The following NEBL variants were observed in gnomAD, a reference collection of about 807,000 sequenced individuals.
NEBL encodes the protein LIM and SH3 protein 2.
A neutral mutation model predicts 140.2 loss-of-function variants in NEBL; 122 were observed. That is an observed-to-expected ratio of 0.87 (90% CI 0.75 to 1.01). The LOEUF (loss-of-function observed/expected upper bound fraction) is 1.01. Among genes scored for constraint, NEBL ranks in the 50% least tolerant of loss-of-function variants. The pLI is 0.00. For synonymous variants in NEBL, 436 were observed against 398.9 expected, an observed-to-expected ratio of 1.09 and a Z score of -1.11; for missense variants, 1,365 against 1,231.3, an observed-to-expected ratio of 1.11 and a Z score of -1.62.
At chr10:20,809,765 C>G in intron 25 of NEBL, 41 bp downstream of exon 25, 1 of 1,446,486 alleles carries the variant, frequency 6.9e-7, no homozygotes, top group Non-Finnish European at 9.7e-7. Flanking sequence ...ACTTTTGGGA[C>G]AAAACCACAT....
intron 11 of NEBL, 92 bp downstream of exon 11, chr10:20,850,303 T>C: frequency 9.5e-7 from 1 of 1,051,584 alleles, no homozygotes; most frequent in Non-Finnish European, 1.5e-6. Flanking sequence ...AGCAGCACTC[T>C]TCCTTCCAGA....
chr10:21,063,647 A>C (rs1835397650), intron 2 of NEBL, among the ~76,000 whole-genome samples: 1 of 152,188 alleles, frequency 6.6e-6, no homozygotes, highest in South Asian at 2.1e-4. Flanking sequence ...TAATCCTAGC[A>C]CTTTGGGAGG....
chr10:21,142,234 T>A (rs1839664163), intron 2 of NEBL, among the ~76,000 whole-genome samples: 1 of 152,112 alleles, frequency 6.6e-6, no homozygotes, highest in Non-Finnish European at 1.5e-5. Context: ...CATGACCACA[T>A]GGACCAACCA....
intron 9 of NEBL, among the ~76,000 whole-genome samples, chr10:20,855,650 T>C (rs1201809524): frequency 6.6e-6 from 1 of 152,126 alleles, no homozygotes; most frequent in Non-Finnish European, 1.5e-5. Flanking sequence ...ACACAAAATA[T>C]ATATTTCTTA....
rs75945401 is a variant in NEBL, at chr10:20,839,320, C to T, written c.1338+1419G>A. On this transcript the variant is annotated intron_variant, in intron 13 of 27. Transcript: ENST00000377122. ...CTCTGCATGTGGATTGGACATGTCA[C>T]GGCAACAGAAGAATTTGCAGAAAAT... 4.0e-3 allele frequency among the ~76,000 whole-genome samples: 603 copies of T among 152,236 alleles called. 2 individuals carry two copies. Among genetic ancestry groups the T allele is most frequent in the Non-Finnish European group, 7.0e-3 (473 of 68,016 alleles).
chr10:21,170,533 G>A (rs1033486175), intron 2 of NEBL: 120 of 152,338 alleles, frequency 7.9e-4, no homozygotes, highest in African/African-American at 2.8e-3. Context: ...CTCTGGAAGG[G>A]AAGCAGGAAA....
intron 3 of NEBL, among the ~76,000 whole-genome samples, chr10:21,199,185 TG>T (rs1841696518): frequency 6.6e-6 from 1 of 151,218 alleles, no homozygotes; most frequent in Non-Finnish European, 1.5e-5. Flanking sequence ...CCACCACACC[TG>T]GCCAAATTTT....
chr10:20,895,972 C>T (rs1010851161), intron 2 of NEBL, among the ~76,000 whole-genome samples: 1 of 152,160 alleles, frequency 6.6e-6, no homozygotes, highest in Non-Finnish European at 1.5e-5. Flanking sequence ...CCATAACCTT[C>T]CCAAGGTTAC....
At chr10:20,974,620 T>C (rs1836716746) in intron 3 of NEBL, among the ~76,000 whole-genome samples, 1 of 152,180 alleles carries the variant, frequency 6.6e-6, no homozygotes, top group African/African-American at 2.4e-5. Flanking sequence ...GTAAACAAGA[T>C]CTGAAATAAT....
intron 1 of NEBL, among the ~76,000 whole-genome samples, chr10:21,280,767 A>G (rs915405210): frequency 6.6e-6 from 1 of 151,732 alleles, no homozygotes; most frequent in Admixed American, 6.6e-5. Flanking sequence ...GGCACACACC[A>G]TCGCGCATGG....
At position 20,794,412 on chromosome 10, in the gene NEBL, T is replaced by C. The variant is rs187798020; in HGVS notation, c.2762-7104A>G. ...CCTGTTTATAGTATATACTATATCCTGCTTACTGCTGACCATACTACAGTA... is the reference window on the plus strand; with the variant it reads ...CCTGTTTATAGTATATACTATATCCCGCTTACTGCTGACCATACTACAGTA... On this transcript the variant is annotated intron_variant, in intron 26 of 27. Coordinates refer to ENST00000377122, the MANE Select transcript of NEBL (RefSeq NM_006393.3). Among the ~76,000 whole-genome samples, 13 of 152,350 alleles carry C rather than the reference T, an allele frequency of 8.5e-5. 1 individual carries two copies. Among genetic ancestry groups the C allele is most frequent in the Admixed American group, 6.5e-4 (10 of 15,304 alleles).
chr10:20,803,347 G>A (rs1025380524), intron 26 of NEBL, among the ~76,000 whole-genome samples: 1 of 151,906 alleles, frequency 6.6e-6, no homozygotes, highest in African/African-American at 2.4e-5. Flanking sequence ...TGTATATATC[G>A]AAACATCCCT....
chr10:20,982,465 T>C (rs145516886), intron 3 of NEBL, among the ~76,000 whole-genome samples: 1 of 152,326 alleles, frequency 6.6e-6, no homozygotes, highest in African/African-American at 2.4e-5. Flanking sequence ...AAGTACACTA[T>C]AATATCACTA....
At chr10:21,290,852 T>G (rs901559096) in intron 1 of NEBL, among the ~76,000 whole-genome samples, 1 of 152,234 alleles carries the variant, frequency 6.6e-6, no homozygotes, top group Non-Finnish European at 1.5e-5. Flanking sequence ...CTCAACCATC[T>G]GATCCTTCCT....
At chr10:20,912,186 A>T (rs1848356397) in intron 4 of NEBL, among the ~76,000 whole-genome samples, 2 of 152,224 alleles carry the variant, frequency 1.3e-5, no homozygotes, top group South Asian at 4.1e-4. Flanking sequence ...ACTATTTTTT[A>T]TATTGCTTCT....
At chr10:20,927,183 G>T (rs1464480020) in intron 4 of NEBL, among the ~76,000 whole-genome samples, 1 of 152,166 alleles carries the variant, frequency 6.6e-6, no homozygotes, top group Non-Finnish European at 1.5e-5. Flanking sequence ...GGGGAATGAA[G>T]AAGAATAAAA....
intron 3 of NEBL, among the ~76,000 whole-genome samples, chr10:21,227,718 TTCTTCTTCTTCTTCTTCTTC>T (rs1842181538): frequency 2.9e-4 from 23 of 79,900 alleles, no homozygotes; most frequent in African/African-American, 1.1e-3. Flanking sequence ...TTCTTTCTTC[TTCTTCTTCTTCTTCTTCTTC>T]TTCTTCTTCT....
chr10:20,859,405 T>C lies in NEBL; in HGVS notation c.798+308A>G, dbSNP rs924484066. On this transcript the variant is annotated intron_variant, in intron 8 of 27. Coordinates refer to ENST00000377122, the MANE Select transcript of NEBL (RefSeq NM_006393.3). ...CCATAATTACATGAGGTAACTACTG[T>C]CCTAACCACTAATTTGTGTTAATAC... Among the ~76,000 whole-genome samples, 10 of 152,090 alleles carry C rather than the reference T, an allele frequency of 6.6e-5. 1 individual carries two copies. Among genetic ancestry groups the C allele is most frequent in the South Asian group, 2.1e-4 (1 of 4,834 alleles).
At chr10:20,899,026 G>C (rs1272426093), upstream of NEBL, among the ~76,000 whole-genome samples, 1 of 152,098 alleles carries the variant, frequency 6.6e-6, no homozygotes, top group Non-Finnish European at 1.5e-5. Context: ...GCTGAACTTG[G>C]AAACCACAAC....
Sources: allele counts gnomAD v4.1 joint callset (sites outside exome capture counted in the v4.1 genomes callset), GRCh38; gene constraint gnomAD v4.1.1; transcripts MANE v1.5; gene names NCBI Gene and HGNC (gene_info 2026-07-23, HGNC 2026-07-21).